FGF20: variants seen among roughly 807,000 people sequenced by gnomAD.
FGF20 encodes fibroblast growth factor 20.
A neutral mutation model predicts 16.7 loss-of-function variants in FGF20; 8 were observed. The ratio of observed to expected loss-of-function variants is 0.48; its 90% CI spans 0.28 to 0.87. The LOEUF (loss-of-function observed/expected upper bound fraction) is 0.87. Among genes scored for constraint, FGF20 ranks in the 40% least tolerant of loss-of-function variants. The pLI is 0.10. For synonymous variants in FGF20, 161 were observed against 118.6 expected (o/e 1.36, Z -2.32); for missense variants, 397 against 281.4 (o/e 1.41, Z -2.94).
At chr8:16,997,915 C>A (rs542659580) in intron 1 of FGF20, among the ~76,000 whole-genome samples, 1 of 152,252 alleles carries the variant, frequency 6.6e-6, no homozygotes, top group African/African-American at 2.4e-5. Context: ...ATGTTACATT[C>A]AAATTAAAAA....
intron 1 of FGF20, among the ~76,000 whole-genome samples, chr8:16,998,579 TC>T (rs1420624988): frequency 6.6e-6 from 1 of 152,106 alleles, no homozygotes; most frequent in African/African-American, 2.4e-5. Context: ...ATGCCCAGTG[TC>T]CCATAAAAAG....
intron 1 of FGF20, among the ~76,000 whole-genome samples, chr8:17,000,456 G>A (rs374114175): frequency 2.2e-5 from 3 of 137,180 alleles, no homozygotes; most frequent in East Asian, 4.5e-4. Context: ...AAGAACAAGG[G>A]GGTAAGGACA....
intron 2 of FGF20, 36 bp from the exon 3 acceptor site, chr8:16,993,353 A>C (rs1462663699): frequency 6.5e-7 from 1 of 1,543,866 alleles, no homozygotes; most frequent in Non-Finnish European, 8.7e-7. Flanking sequence ...TTTTTAAAAA[A>C]ATACCTTTGA....
intron 1 of FGF20, among the ~76,000 whole-genome samples, chr8:16,997,935 G>T (rs1190351141): frequency 1.3e-5 from 2 of 152,148 alleles, no homozygotes; most frequent in African/African-American, 4.8e-5. Flanking sequence ...AGTGTTCTGT[G>T]GTTGAAATGC....
chr8:16,996,071 G>A (rs754638625), intron 1 of FGF20, among the ~76,000 whole-genome samples: 10 of 152,186 alleles, frequency 6.6e-5, no homozygotes, highest in African/African-American at 7.2e-5. Flanking sequence ...CCTTTGCAGC[G>A]GGGAGGAGCC....
Position 16,993,225 on chromosome 8 carries a change from A to AT in FGF20, c.482_483insA (p.Gly162TrpfsTer9). On this transcript the variant is annotated frameshift_variant, in exon 3 of 3. Transcript: ENST00000180166. LOFTEE classifies it high-confidence loss of function. ...TAAGTGCCACAAAATACCTGCGGCC[A>AT]GTGTCTCCATGTTTATATATGTTAG... 1 of 1,614,100 alleles carries AT rather than the reference A, an allele frequency of 6.2e-7. No homozygotes were observed. Among genetic ancestry groups the AT allele is most frequent in the Non-Finnish European group, 8.5e-7 (1 of 1,180,000 alleles).
Position 17,002,119 on chromosome 8 carries a change from A to C in FGF20, c.-87T>G. The C allele has an allele frequency of 7.3e-7, 1 of 1,374,134 alleles. No individual in the cohort carries two copies. The allele number at this position is 1,374,134 out of a possible 1,614,324, so 85.1% of individuals were successfully genotyped here. Reference sequence around the variant, plus strand: ...GAGGTGGATAGAGAAAAATTATAGCAAAACGAGCGCAAAAAGTTAAGGCCC... The same window carrying C: ...GAGGTGGATAGAGAAAAATTATAGCCAAACGAGCGCAAAAAGTTAAGGCCC... On this transcript the variant is annotated 5_prime_UTR_variant, in exon 1 of 3. Coordinates refer to ENST00000180166, the MANE Select transcript of FGF20 (RefSeq NM_019851.3).
In FGF20 at chr8:16,993,284, G is replaced by C. The variant is rs1385931006; in HGVS notation, c.424C>G (p.Gln142Glu). ...KLTSECIFRE[Q>E]FEENWYNTYS... is the part of the protein sequence containing the mutation. ...GTGTTATACCAGTTCTCTTCAAACTGCTCCCTAAAGATGCATTCGGAAGTA... is the reference window on the plus strand; with the variant it reads ...GTGTTATACCAGTTCTCTTCAAACTCCTCCCTAAAGATGCATTCGGAAGTA... Residue 142 changes from glutamine to glutamate, a missense_variant, in exon 3 of 3, where the codon CAG becomes GAG. Transcript: ENST00000180166. 2.5e-6 allele frequency: 4 copies of C among 1,612,860 alleles called. No homozygotes were observed. In the South Asian group the frequency reaches 3.3e-5, roughly 13 times the overall value.
chr8:17,001,644 C>A, intron 1 of FGF20, 103 bp downstream of exon 1: 1 of 1,310,934 alleles, frequency 7.6e-7, no homozygotes, highest in Non-Finnish European at 1.0e-6. Flanking sequence ...GGGCTCCGCG[C>A]GGCGATGACG....
intron 1 of FGF20, among the ~76,000 whole-genome samples, chr8:17,000,702 T>C (rs567821107): frequency 7.4e-4 from 112 of 152,112 alleles, no homozygotes; most frequent in Admixed American, 1.9e-3. Context: ...ACCCCATCTT[T>C]GTACAGAAAA....
Position 16,993,216 on chromosome 8 carries a change from C to A in FGF20, c.492G>T (p.Arg164Ser), listed in dbSNP as rs767120553. Residue 164 changes from arginine (R) to serine (S), a missense_variant, in exon 3 of 3, where the codon AGG becomes AGT. Arg to Ser is a moderately radical substitution (Grantham distance 110). Transcript: ENST00000180166. Reference protein sequence around the residue: ...NIYKHGDTGRRYFVALNKDGT... With the variant: ...NIYKHGDTGRSYFVALNKDGT... ...CGTCTTTGTTAAGTGCCACAAAATA[C>A]CTGCGGCCAGTGTCTCCATGTTTAT... 4 of 1,613,976 alleles carry A rather than the reference C, an allele frequency of 2.5e-6. No homozygotes were observed. The highest frequency in any genetic ancestry group is 3.4e-6 in the Non-Finnish European group (4 of 1,180,006).
intron 2 of FGF20, 56 bp downstream of exon 2, chr8:16,995,599 A>T: frequency 1.4e-6 from 1 of 705,494 alleles, no homozygotes; most frequent in East Asian, 2.9e-5. Flanking sequence ...ATTACATAAT[A>T]GATAGTCAAT....
chr8:16,993,659 C>G (rs955620486), intron 2 of FGF20, among the ~76,000 whole-genome samples: 1 of 152,114 alleles, frequency 6.6e-6, no homozygotes, highest in African/African-American at 2.4e-5. Flanking sequence ...ATTATTATTA[C>G]ATTGTAATAT....
At position 17,002,342 on chromosome 8, in the gene FGF20, G is replaced by C. The variant is rs1293164796; in HGVS notation, c.-310C>G. ...CCAATTCCGCAAACTGATCAGATCAGAGTCCTGTGTACATACACACCGAGT... is the reference window on the plus strand; with the variant it reads ...CCAATTCCGCAAACTGATCAGATCACAGTCCTGTGTACATACACACCGAGT... On this transcript the variant is annotated 5_prime_UTR_variant, in exon 1 of 3. Coordinates refer to ENST00000180166, the MANE Select transcript of FGF20 (RefSeq NM_019851.3). 6.6e-6 allele frequency among the ~76,000 whole-genome samples: 1 copy of C among 152,200 alleles called. No individual in the cohort carries two copies. The highest frequency in any genetic ancestry group is 2.4e-5 in the African/African-American group (1 of 41,458).
At chr8:17,001,422 C>G (rs1810178215) in intron 1 of FGF20, among the ~76,000 whole-genome samples, 1 of 152,222 alleles carries the variant, frequency 6.6e-6, no homozygotes, top group East Asian at 1.9e-4. Context: ...TGCACCAGGT[C>G]TTGGTGTCCC....
In FGF20 at chr8:17,002,086, G is replaced by T; in HGVS notation, c.-54C>A. 2.0e-6 allele frequency: 3 copies of T among 1,473,850 alleles called. No homozygotes were observed. The highest frequency in any genetic ancestry group is 5.5e-5 in the Admixed American group (2 of 36,670). 91.3% of individuals were successfully genotyped at this position (1,473,850 alleles called of 1,614,324 possible). A position where few individuals can be genotyped will look rare whatever the true frequency, so the allele number is the denominator to read the frequency against. ...CCCCCCAGTAAAGAGTGTTGTGGGGGTGGGATGGAGGTGGATAGAGAAAAA... is the reference window on the plus strand; with the variant it reads ...CCCCCCAGTAAAGAGTGTTGTGGGGTTGGGATGGAGGTGGATAGAGAAAAA... On this transcript the variant is annotated 5_prime_UTR_variant, in exon 1 of 3. Coordinates refer to ENST00000180166, the MANE Select transcript of FGF20 (RefSeq NM_019851.3).
chr8:16,992,917 G>GT lies in FGF20; in HGVS notation c.*154_*155insA. The stretch of plus-strand genomic sequence containing the variant: ...TCTATTTCTAGTCAAAATTTTTTTT[G>GT]GTTTTTTTTCTCAATATTCTTTCCA... On this transcript the variant is annotated 3_prime_UTR_variant, in exon 3 of 3. Transcript: ENST00000180166. 1 of 878,912 alleles carries GT rather than the reference G, an allele frequency of 1.1e-6. No homozygotes were observed. Among genetic ancestry groups the GT allele is most frequent in the Non-Finnish European group, 1.7e-6 (1 of 587,670 alleles). 54.4% of individuals were successfully genotyped at this position (878,912 alleles called of 1,614,324 possible). A position where few individuals can be genotyped will look rare whatever the true frequency, so the allele number is the denominator to read the frequency against.
chr8:16,998,539 G>C (rs571830069), intron 1 of FGF20, among the ~76,000 whole-genome samples: 2 of 152,128 alleles, frequency 1.3e-5, no homozygotes, highest in African/African-American at 4.8e-5. Flanking sequence ...TTCCTTAAGA[G>C]GTAATCACAG....
chr8:17,002,273 A>G lies in FGF20; in HGVS notation c.-241T>C. On this transcript the variant is annotated 5_prime_UTR_variant, in exon 1 of 3. Coordinates refer to ENST00000180166, the MANE Select transcript of FGF20 (RefSeq NM_019851.3). ...CTGCTGGCTCTGCAGAAATATCTAT[A>G]GCTGCCGCTGCCAATACTAGGACTA... 4.5e-6 allele frequency: 2 copies of G among 442,816 alleles called. No individual in the cohort carries two copies. Among genetic ancestry groups the G allele is most frequent in the East Asian group, 4.2e-5 (1 of 23,996 alleles). The allele number at this position is 442,816 out of a possible 1,614,324, so 27.4% of individuals were successfully genotyped here. A position where few individuals can be genotyped will look rare whatever the true frequency, so the allele number is the denominator to read the frequency against.
Sources: gnomAD v4.1 joint callset for allele counts (sites outside exome capture counted in the v4.1 genomes callset) on GRCh38, gnomAD v4.1.1 for gene constraint, MANE v1.5 for transcripts, NCBI Gene and HGNC (gene_info 2026-07-23, HGNC 2026-07-21) for gene names.